RCAN2: variants seen among roughly 807,000 people sequenced by gnomAD.
RCAN2 encodes regulator of calcineurin 2.
Under a neutral mutation model 23.6 loss-of-function variants are expected in RCAN2, and 9 were observed. That is an observed-to-expected ratio of 0.38 (90% confidence interval 0.23 to 0.67). The LOEUF (loss-of-function observed/expected upper bound fraction) is 0.67, where lower values mean the gene tolerates loss of function less well. Among genes scored for constraint, RCAN2 ranks in the 30% least tolerant of loss-of-function variants. The probability of loss-of-function intolerance (pLI) is 0.51; values close to 1 mark genes in which losing one functional copy is unlikely to be tolerated. For missense variants in RCAN2, 273 were observed against 302.3 expected (o/e 0.90, Z 0.72); for synonymous variants, 109 against 115.7 (o/e 0.94, Z 0.37).
intron 2 of RCAN2, among the ~76,000 whole-genome samples, chr6:46,410,962 C>G (rs1013652718): frequency 1.3e-5 from 2 of 152,154 alleles, no homozygotes; most frequent in African/African-American, 2.4e-5. Context: ...GAGGCAGGTC[C>G]AAGTTTGCCC....
chr6:46,394,638 T>G (rs1015852046), intron 2 of RCAN2, among the ~76,000 whole-genome samples: 11 of 152,196 alleles, frequency 7.2e-5, no homozygotes, highest in Admixed American at 2.6e-4. Context: ...TAGGACTTTA[T>G]AGCCTGTAAG....
intron 2 of RCAN2, among the ~76,000 whole-genome samples, chr6:46,386,314 G>A (rs1765744482): frequency 6.6e-6 from 1 of 151,788 alleles, no homozygotes; most frequent in African/African-American, 2.4e-5. Flanking sequence ...AAAACCACAA[G>A]GAGGCCGGGT....
At chr6:46,374,249 C>T (rs983126063) in intron 2 of RCAN2, among the ~76,000 whole-genome samples, 3 of 152,154 alleles carry the variant, frequency 2.0e-5, no homozygotes, top group Non-Finnish European at 4.4e-5. Flanking sequence ...GCAATACCTC[C>T]TACCAGAATA....
At chr6:46,312,240 G>A (rs78276073) in intron 2 of RCAN2, among the ~76,000 whole-genome samples, 1,614 of 152,242 alleles carry the variant, frequency 0.011, 23 homozygotes, top group African/African-American at 0.036. Context: ...CGTGGTATAT[G>A]GTCAACTTCG....
chr6:46,403,201 G>T (rs543956527), intron 2 of RCAN2, among the ~76,000 whole-genome samples: 1 of 152,008 alleles, frequency 6.6e-6, no homozygotes, highest in Non-Finnish European at 1.5e-5. Flanking sequence ...TCCTGACCTT[G>T]TGATCCGCCC....
intron 2 of RCAN2, among the ~76,000 whole-genome samples, chr6:46,453,293 A>G (rs1026453704): frequency 6.6e-6 from 1 of 152,232 alleles, no homozygotes; most frequent in Non-Finnish European, 1.5e-5. Context: ...GCACACAGCA[A>G]TCTGCATTTA....
intron 4 of RCAN2, among the ~76,000 whole-genome samples, chr6:46,225,551 T>C (rs1765634164): frequency 6.6e-6 from 1 of 152,250 alleles, no homozygotes; most frequent in African/African-American, 2.4e-5. Flanking sequence ...GAGCACTTTT[T>C]CATGTGTCTG....
chr6:46,226,888 T>A (rs953884463), intron 4 of RCAN2, among the ~76,000 whole-genome samples: 22 of 152,130 alleles, frequency 1.4e-4, no homozygotes, highest in Non-Finnish European at 2.8e-4. Flanking sequence ...ATGCTTCCAG[T>A]TTTTGCCCAT....
chr6:46,455,864 A>AAAAGAAAGAAAG (rs763615814), intron 2 of RCAN2, among the ~76,000 whole-genome samples: 1 of 151,014 alleles, frequency 6.6e-6, no homozygotes, highest in African/African-American at 2.4e-5. Context: ...TAAAAAAAAA[A>AAAAGAAAGAAAG]AAAGAAAGAA....
chr6:46,332,558 T>C (rs988197155), intron 2 of RCAN2, among the ~76,000 whole-genome samples: 1 of 149,088 alleles, frequency 6.7e-6, no homozygotes, highest in Admixed American at 6.8e-5. Context: ...GAATATGCAG[T>C]GTTTGGTTTT....
At chr6:46,236,160 A>G (rs1766086265) in intron 4 of RCAN2, among the ~76,000 whole-genome samples, 1 of 152,254 alleles carries the variant, frequency 6.6e-6, no homozygotes, top group South Asian at 2.1e-4. Flanking sequence ...TCAAAGAATT[A>G]AGCAGCTGAA....
chr6:46,324,008 G>A (rs1216730966), intron 2 of RCAN2, among the ~76,000 whole-genome samples: 1 of 152,188 alleles, frequency 6.6e-6, no homozygotes, highest in African/African-American at 2.4e-5. Flanking sequence ...CTCCATAGAT[G>A]GAATTATGTT....
intron 1 of RCAN2, among the ~76,000 whole-genome samples, chr6:46,479,546 G>A (rs1291014029): frequency 6.7e-6 from 1 of 148,740 alleles, no homozygotes; most frequent in Non-Finnish European, 1.5e-5. Flanking sequence ...GATTCAGAAT[G>A]CTCCCACTAC....
At chr6:46,384,162 T>G (rs532953853) in intron 2 of RCAN2, among the ~76,000 whole-genome samples, 69 of 152,302 alleles carry the variant, frequency 4.5e-4, no homozygotes, top group African/African-American at 1.7e-3. Context: ...TTCCCCACTC[T>G]CCTTTAGTAT....
chr6:46,477,678 A>G (rs899560213), intron 1 of RCAN2, among the ~76,000 whole-genome samples: 2 of 152,224 alleles, frequency 1.3e-5, no homozygotes, highest in Non-Finnish European at 2.9e-5. Flanking sequence ...GAGTTGTAAC[A>G]AAGTATAAAA....
At chr6:46,413,403 G>T (rs1328626332) in intron 2 of RCAN2, among the ~76,000 whole-genome samples, 1 of 152,152 alleles carries the variant, frequency 6.6e-6, no homozygotes, top group Non-Finnish European at 1.5e-5. Context: ...AAGATTTCCT[G>T]CTAAGATTTT....
intron 2 of RCAN2, among the ~76,000 whole-genome samples, chr6:46,265,249 T>C (rs948522089): frequency 2.6e-5 from 4 of 152,182 alleles, no homozygotes; most frequent in Non-Finnish European, 1.5e-5. Context: ...TTGGATCGTA[T>C]TGATGAAACT....
chr6:46,325,635 C>T, intron 2 of RCAN2: 8 of 1,426,184 alleles, frequency 5.6e-6, no homozygotes, highest in South Asian at 3.1e-5. Flanking sequence ...TCCCACTGCA[C>T]GCAGCCCTCC....
chr6:46,340,578 T>A (rs565642016), intron 2 of RCAN2, among the ~76,000 whole-genome samples: 1 of 152,200 alleles, frequency 6.6e-6, no homozygotes, highest in Non-Finnish European at 1.5e-5. Context: ...AGAGCCTCTA[T>A]CATTCTAGAT....
Sources: allele counts gnomAD v4.1 joint callset (sites outside exome capture counted in the v4.1 genomes callset), GRCh38; gene constraint gnomAD v4.1.1; transcripts MANE v1.5; gene names NCBI Gene and HGNC (gene_info 2026-07-23, HGNC 2026-07-21).